VGLL3: variants seen among roughly 807,000 people sequenced by gnomAD.
The protein encoded by VGLL3 is vestigial like family member 3, also known as transcription cofactor vestigial-like protein 3.
VGLL3 carries 18 observed loss-of-function variants against 29.2 expected under a neutral mutation model. The ratio of observed to expected loss-of-function variants is 0.62; its 90% confidence interval spans 0.43 to 0.91. VGLL3 has a LOEUF of 0.91. Ranked by LOEUF, VGLL3 falls within the 40% of genes least tolerant of loss-of-function variation. The pLI is 0.00. For missense variants in VGLL3, 440 were observed against 413.2 expected, an observed-to-expected ratio of 1.06 and a Z score of -0.56; for synonymous variants, 180 against 151.8, an observed-to-expected ratio of 1.19 and a Z score of -1.36.
At chr3:86,962,711 A>C (rs554565390) in intron 3 of VGLL3, 1 of 784,280 alleles carries the variant, frequency 1.3e-6, no homozygotes, top group Non-Finnish European at 1.5e-6. Context: ...TTAAACACAC[A>C]TTTACTTAAA....
chr3:86,975,451 C>T (rs1237351350), intron 2 of VGLL3, among the ~76,000 whole-genome samples: 1 of 152,010 alleles, frequency 6.6e-6, no homozygotes, highest in African/African-American at 2.4e-5. Context: ...TTTGAAATTA[C>T]AGAACTTTAC....
In VGLL3 at chr3:86,968,804, G is replaced by A; in HGVS notation, c.723C>T (p.Arg241=). The change falls in exon 3 of 4, where the codon CGC becomes CGT. Residue 241 remains arginine, a synonymous_variant. Transcript: ENST00000398399. ...HPHAHMHHRH[R]HHHHHHHPPA... The stretch of plus-strand genomic sequence containing the variant: ...GAGGGTGGTGATGGTGATGATGGTG[G>A]CGGTGGCGGTGGTGCATGTGGGCAT... 3.7e-6 allele frequency: 6 copies of A among 1,614,142 alleles called. No homozygotes were observed. Among genetic ancestry groups the A allele is most frequent in the East Asian group, 4.5e-5 (2 of 44,866 alleles).
At chr3:86,969,653 A>G (rs1705048694) in intron 2 of VGLL3, among the ~76,000 whole-genome samples, 1 of 152,016 alleles carries the variant, frequency 6.6e-6, no homozygotes, top group African/African-American at 2.4e-5. Flanking sequence ...TTTTCCATTA[A>G]GAAGAGTGTA....
Position 86,990,789 on chromosome 3 carries a change from C to A in VGLL3, c.-46G>T. On this transcript the variant is annotated 5_prime_UTR_variant, in exon 1 of 4. Coordinates refer to ENST00000398399, the MANE Select transcript of VGLL3 (RefSeq NM_016206.4). ...CCCCCGAGCTGCCGCCGCCGCTCTA[C>A]GCGCTGGCGCGAGGGGCGCGGGCGC... The A allele has an allele frequency of 2.3e-5, 29 of 1,256,658 alleles. No individual in the cohort carries two copies. The highest frequency in any genetic ancestry group is 2.8e-5 in the Non-Finnish European group (28 of 996,148). 77.8% of individuals were successfully genotyped at this position (1,256,658 alleles called of 1,614,324 possible).
At chr3:86,969,239 A>G (rs1705038269) in intron 2 of VGLL3, 116 bp from the exon 3 acceptor site, 2 of 1,245,584 alleles carry the variant, frequency 1.6e-6, no homozygotes, top group Non-Finnish European at 1.1e-6. Flanking sequence ...TCAAATTAGC[A>G]TGCACTCTTA....
intron 1 of VGLL3, among the ~76,000 whole-genome samples, chr3:86,982,980 A>G (rs761919773): frequency 6.6e-6 from 1 of 152,292 alleles, no homozygotes; most frequent in East Asian, 1.9e-4. Flanking sequence ...ACCATATCCA[A>G]CCACCACACT....
chr3:86,952,302 G>A (rs551643507), intron 3 of VGLL3, among the ~76,000 whole-genome samples: 85 of 152,182 alleles, frequency 5.6e-4, no homozygotes, highest in African/African-American at 1.8e-3. Context: ...AACAAAAAAC[G>A]TTACACTAAT....
At chr3:86,986,043 G>A (rs554061212) in intron 1 of VGLL3, among the ~76,000 whole-genome samples, 12 of 105,354 alleles carry the variant, frequency 1.1e-4, no homozygotes, top group Admixed American at 7.5e-4. Flanking sequence ...ACACACACAC[G>A]TATACACACA....
chr3:86,962,402 C>T (rs562940674), intron 3 of VGLL3: 1 of 985,336 alleles, frequency 1.0e-6, no homozygotes, highest in Non-Finnish European at 1.2e-6. Context: ...AATTTTGTGC[C>T]AGAGGCACCT....
In VGLL3 at chr3:86,943,112, A is replaced by C. The variant is rs1309827209; in HGVS notation, c.*3912T>G. 1 of 152,160 alleles carries C rather than the reference A, an allele frequency of 6.6e-6. No individual in the cohort carries two copies. Among genetic ancestry groups the C allele is most frequent in the Non-Finnish European group, 1.5e-5 (1 of 68,030 alleles). 9.4% of individuals were successfully genotyped at this position (152,160 alleles called of 1,614,324 possible). ...AGATAAATAAATGAAGCCCCAAACCACACATAAACTTTTGGCTAAACTAGA... is the reference window on the plus strand; with the variant it reads ...AGATAAATAAATGAAGCCCCAAACCCCACATAAACTTTTGGCTAAACTAGA... On this transcript the variant is annotated 3_prime_UTR_variant, in exon 4 of 4. Coordinates refer to ENST00000398399, the MANE Select transcript of VGLL3 (RefSeq NM_016206.4).
intron 3 of VGLL3, among the ~76,000 whole-genome samples, chr3:86,955,378 C>G (rs979629369): frequency 2.7e-5 from 4 of 148,262 alleles, no homozygotes; most frequent in Admixed American, 6.7e-5. Context: ...CTCTCTCTCT[C>G]TCTTTTTTTT....
chr3:86,968,746 G>C lies in VGLL3; in HGVS notation c.781C>G (p.Pro261Ala). The C allele has an allele frequency of 1.2e-6, 2 of 1,614,184 alleles. No homozygotes were observed. Among genetic ancestry groups the C allele is most frequent in the Non-Finnish European group, 1.7e-6 (2 of 1,180,040 alleles). Residue 261 changes from proline to alanine, a missense_variant, in exon 3 of 4, where the codon CCT becomes GCT. Pro to Ala is a conservative substitution (Grantham distance 27). Coordinates refer to ENST00000398399, the MANE Select transcript of VGLL3 (RefSeq NM_016206.4). ...GCATGCACTGAAGGCATCAGCAGAG[G>C]CCCATAGGATGGATCCAGGGCAGAG... ...AGSALDPSYG[P>A]LLMPSVHAAR...
chr3:86,953,969 A>T (rs1469621616), intron 3 of VGLL3, among the ~76,000 whole-genome samples: 1 of 152,232 alleles, frequency 6.6e-6, no homozygotes, highest in African/African-American at 2.4e-5. Flanking sequence ...TTATATTTTA[A>T]GTGCAATTAT....
intron 2 of VGLL3, among the ~76,000 whole-genome samples, chr3:86,969,702 T>C (rs1202028341): frequency 1.3e-5 from 2 of 151,108 alleles, no homozygotes; most frequent in Admixed American, 1.3e-4. Context: ...TTTATTTATT[T>C]ATTTATTTAT....
intron 1 of VGLL3, among the ~76,000 whole-genome samples, chr3:86,985,663 T>C (rs1042736874): frequency 2.0e-5 from 3 of 152,174 alleles, no homozygotes; most frequent in Admixed American, 1.3e-4. Flanking sequence ...AACCAGCTGC[T>C]TAAAGAGATG....
intron 1 of VGLL3, among the ~76,000 whole-genome samples, chr3:86,989,938 T>C (rs529783649): frequency 1.3e-4 from 20 of 152,240 alleles, no homozygotes; most frequent in African/African-American, 4.8e-4. Context: ...GAGTGGAGAC[T>C]CAGCATCCAG....
chr3:86,949,792 A>T (rs373413884), intron 3 of VGLL3, among the ~76,000 whole-genome samples: 31 of 149,078 alleles, frequency 2.1e-4, no homozygotes, highest in African/African-American at 7.4e-5. Flanking sequence ...ATGCCACTGC[A>T]CTCCAGCCTG....
chr3:86,975,365 T>C (rs1171570031), intron 2 of VGLL3, among the ~76,000 whole-genome samples: 2 of 152,228 alleles, frequency 1.3e-5, no homozygotes, highest in African/African-American at 4.8e-5. Context: ...ACACAAGTTT[T>C]ATATATTTAT....
At chr3:86,947,392 G>A (rs1704530072) in intron 3 of VGLL3, among the ~76,000 whole-genome samples, 1 of 152,156 alleles carries the variant, frequency 6.6e-6, no homozygotes, top group Non-Finnish European at 1.5e-5. Flanking sequence ...AATTTCAAAA[G>A]GAGATGATAT....
Sources: gnomAD v4.1 joint callset for allele counts (sites outside exome capture counted in the v4.1 genomes callset) on GRCh38, gnomAD v4.1.1 for gene constraint, MANE v1.5 for transcripts, NCBI Gene and HGNC (gene_info 2026-07-23, HGNC 2026-07-21) for gene names.